The following PTPRT variants were observed in gnomAD, a reference collection of about 807,000 sequenced individuals.
PTPRT encodes the protein receptor-type tyrosine-protein phosphatase T.
PTPRT carries 56 observed loss-of-function variants against 176.8 expected under a neutral mutation model. That is an observed-to-expected ratio of 0.32 (90% CI 0.26 to 0.40). The LOEUF is 0.40. Among genes scored for constraint, PTPRT ranks in the 10% least tolerant of loss-of-function variants. The pLI is 1.00. For synonymous variants in PTPRT, 783 were observed against 739.0 expected (o/e 1.06, Z -0.96); for missense variants, 1,540 against 1,908.2 (o/e 0.81, Z 3.60).
At chr20:42,464,294 C>A (rs1443802452) in intron 8 of PTPRT, among the ~76,000 whole-genome samples, 2 of 152,084 alleles carry the variant, frequency 1.3e-5, no homozygotes, top group Non-Finnish European at 2.9e-5. Flanking sequence ...CCAGAGTGAA[C>A]AACACAAAAC....
intron 1 of PTPRT, among the ~76,000 whole-genome samples, chr20:43,098,598 C>T (rs6124522): frequency 6.6e-5 from 10 of 150,808 alleles, no homozygotes; most frequent in East Asian, 3.9e-4. Flanking sequence ...AAGATTTCAC[C>T]GAAGAACCAG....
intron 1 of PTPRT, among the ~76,000 whole-genome samples, chr20:43,020,222 G>GT (rs1985604538): frequency 6.6e-5 from 6 of 91,388 alleles, no homozygotes; most frequent in South Asian, 1.0e-3. Flanking sequence ...ATTTAATTAT[G>GT]TAATATATAT....
chr20:42,817,530 G>A (rs1258966795), intron 2 of PTPRT, among the ~76,000 whole-genome samples: 1 of 152,120 alleles, frequency 6.6e-6, no homozygotes, highest in Non-Finnish European at 1.5e-5. Flanking sequence ...GCTTATTCTA[G>A]GAAAGGAAAG....
At position 42,142,709 on chromosome 20, in the gene PTPRT, T is replaced by C. The variant is rs115235481; in HGVS notation, c.2683-707A>G. ...TTTATAAATTAGGCATAGCAAGAGA[T>C]TAAGAACAATAATAAAATAGTATGA... On this transcript the variant is annotated intron_variant, in intron 17 of 30. Coordinates refer to ENST00000373187, the MANE Select transcript of PTPRT (RefSeq NM_007050.6). Among the ~76,000 whole-genome samples the C allele has an allele frequency of 9.3e-3, 1,420 of 152,196 alleles. 22 individuals are homozygous for C. Among genetic ancestry groups the C allele is most frequent in the African/African-American group, 0.032 (1,316 of 41,512 alleles).
intron 16 of PTPRT, among the ~76,000 whole-genome samples, chr20:42,189,828 G>A (rs1366603844): frequency 1.3e-5 from 2 of 152,064 alleles, no homozygotes; most frequent in East Asian, 1.9e-4. Context: ...TAACATCTAA[G>A]GTAATTTTTA....
At chr20:42,822,645 C>T (rs932842878) in intron 2 of PTPRT, among the ~76,000 whole-genome samples, 1 of 152,114 alleles carries the variant, frequency 6.6e-6, no homozygotes, top group Non-Finnish European at 1.5e-5. Context: ...TTTTTGCAAT[C>T]TACCCATCTG....
chr20:43,040,396 C>A (rs866593107), intron 1 of PTPRT, among the ~76,000 whole-genome samples: 1 of 152,134 alleles, frequency 6.6e-6, no homozygotes, highest in African/African-American at 2.4e-5. Context: ...GCCAACAGAG[C>A]AGAACTGGGG....
chr20:42,062,670 G>A, the PTPRT span, among the ~76,000 whole-genome samples: 1 of 152,188 alleles, frequency 6.6e-6, no homozygotes, highest in African/African-American at 2.4e-5. Flanking sequence ...CCCAGATGGA[G>A]GCCTCTGCCC....
intron 2 of PTPRT, among the ~76,000 whole-genome samples, chr20:42,822,811 C>G (rs2077920527): frequency 6.6e-6 from 1 of 152,170 alleles, no homozygotes. Context: ...CATCACTGAT[C>G]ATCAAAGAAA....
intron 13 of PTPRT, among the ~76,000 whole-genome samples, chr20:42,260,023 G>A (rs1394455156): frequency 6.6e-6 from 1 of 152,224 alleles, no homozygotes; most frequent in African/African-American, 2.4e-5. Flanking sequence ...TGCTGAGCAT[G>A]GAAGGTAATT....
intron 2 of PTPRT, among the ~76,000 whole-genome samples, chr20:42,846,791 C>T (rs1600465970): frequency 6.6e-6 from 1 of 152,132 alleles, no homozygotes; most frequent in African/African-American, 2.4e-5. Flanking sequence ...GGCCTGGGGA[C>T]AGAGGTTCCA....
At position 42,485,840 on chromosome 20, in the gene PTPRT, G is replaced by A. The variant is rs577556202; in HGVS notation, c.1154-13278C>T. 4.6e-5 allele frequency among the ~76,000 whole-genome samples: 7 copies of A among 152,294 alleles called. No individual in the cohort carries two copies. In the South Asian group the frequency reaches 1.0e-3, roughly 23 times the overall value. Reference sequence around the variant, plus strand: ...AAGCTTTATTCTTTGAAATGTACAAGAGTGTCATTAAACTGAAGGAACACT... The same window carrying A: ...AAGCTTTATTCTTTGAAATGTACAAAAGTGTCATTAAACTGAAGGAACACT... On this transcript the variant is annotated intron_variant, in intron 7 of 30. Coordinates refer to ENST00000373187, the MANE Select transcript of PTPRT (RefSeq NM_007050.6).
intron 7 of PTPRT, among the ~76,000 whole-genome samples, chr20:42,529,119 G>C (rs2072331145): frequency 6.6e-6 from 1 of 152,210 alleles, no homozygotes; most frequent in South Asian, 2.1e-4. Context: ...ACGTGCTCAA[G>C]TTTCACTACA....
rs536211635 is a variant in PTPRT, at chr20:42,456,102, T to C, written c.1451-7773A>G. On this transcript the variant is annotated intron_variant, in intron 8 of 30. Coordinates refer to ENST00000373187, the MANE Select transcript of PTPRT (RefSeq NM_007050.6). ...TAACGTCTTTCAGTGTTTTATAGAT[T>C]TATACGTACATCTTGAAAACTTATG... Among the ~76,000 whole-genome samples the C allele has an allele frequency of 1.7e-4, 26 of 152,078 alleles. 1 individual carries two copies. The highest frequency in any genetic ancestry group is 3.5e-4 in the Non-Finnish European group (24 of 67,934).
intron 1 of PTPRT, among the ~76,000 whole-genome samples, chr20:43,028,644 G>A (rs6030609): frequency 0.048 from 7,307 of 152,160 alleles, 582 homozygotes; most frequent in African/African-American, 0.16. Context: ...GGGGTTCTGG[G>A]CCACCAACAG....
intron 1 of PTPRT, among the ~76,000 whole-genome samples, chr20:43,014,669 TCTTTGTAATCC>T (rs1305280192): frequency 6.6e-6 from 1 of 152,174 alleles, no homozygotes; most frequent in Non-Finnish European, 1.5e-5. Flanking sequence ...AATTCAAACA[TCTTTGTAATCC>T]CTGTTTACAA....
In PTPRT at chr20:42,661,600, C is replaced by G. The variant is rs576615829; in HGVS notation, c.1153+16266G>C. ...GGAAAAGGGTTGGCTGGAAAAGTTA[C>G]AAGCTTCTAATGATTAAGAAGCCCC... On this transcript the variant is annotated intron_variant, in intron 7 of 30. Transcript: ENST00000373187. 2.2e-4 allele frequency among the ~76,000 whole-genome samples: 33 copies of G among 152,220 alleles called. 1 individual carries two copies. The highest frequency in any genetic ancestry group is 2.0e-3 in the Admixed American group (31 of 15,296).
chr20:42,785,552 C>T (rs1341710724), intron 3 of PTPRT, among the ~76,000 whole-genome samples: 1 of 152,192 alleles, frequency 6.6e-6, no homozygotes, highest in Admixed American at 6.5e-5. Flanking sequence ...CTTGTGGGTG[C>T]TTGTCCCTAT....
chr20:42,113,126 A>G (rs905817640), intron 22 of PTPRT, among the ~76,000 whole-genome samples: 4 of 152,208 alleles, frequency 2.6e-5, no homozygotes, highest in Admixed American at 2.6e-4. Flanking sequence ...GCCTGCCTGC[A>G]TGCTGTGGAG....
Sources: gnomAD v4.1 joint callset for allele counts (sites outside exome capture counted in the v4.1 genomes callset) on GRCh38, gnomAD v4.1.1 for gene constraint, MANE v1.5 for transcripts, NCBI Gene and HGNC (gene_info 2026-07-23, HGNC 2026-07-21) for gene names.